The following GBP2 variants were observed in gnomAD, a reference collection of about 807,000 sequenced individuals.
The protein encoded by GBP2 is guanylate binding protein 2.
GBP2 carries 54 observed loss-of-function variants against 60.8 expected under a neutral mutation model. The ratio of observed to expected loss-of-function variants is 0.89; its 90% CI spans 0.71 to 1.11. The LOEUF (loss-of-function observed/expected upper bound fraction) is 1.11, where lower values mean the gene tolerates loss of function less well. Ranked by LOEUF, GBP2 falls within the 50% of genes most tolerant of loss-of-function variation. The pLI, the probability that GBP2 is intolerant of heterozygous loss-of-function variation, is 0.00. For missense variants in GBP2, 665 were observed against 703.3 expected (o/e 0.95, Z 0.62); for synonymous variants, 243 against 256.5 (o/e 0.95, Z 0.50).
In GBP2 at chr1:89,107,484, A is replaced by G. The variant is rs886621113; in HGVS notation, c.*691T>C. Among the ~76,000 whole-genome samples, 5 of 152,228 alleles carry G rather than the reference A, an allele frequency of 3.3e-5. No individual in the cohort carries two copies. Among genetic ancestry groups the G allele is most frequent in the Admixed American group, 2.6e-4 (4 of 15,290 alleles). On this transcript the variant is annotated 3_prime_UTR_variant, in exon 11 of 11. Coordinates refer to ENST00000370466, the MANE Select transcript of GBP2 (RefSeq NM_004120.5). ...GGGGCAGTAATTACCTAGAGGGTTT[A>G]CATGGACAGAGAAGGTGGAGCCTCT...
In GBP2 at chr1:89,117,736, A is replaced by G; in HGVS notation, c.466T>C (p.Ser156Pro). Residue 156 changes from serine (S) to proline (P), a missense_variant, in exon 5 of 11, where the codon TCC (serine) becomes CCC (proline). Ser to Pro is a moderately conservative substitution (Grantham distance 74). Transcript: ENST00000370466. ...TCTACAGAATTGTTACCAGGTGAGG[A>G]GTTTGCCTTGATTCGATCTGTCAGC... is the stretch of plus-strand genomic sequence containing the variant. ...TELTDRIKAN[S>P]SPGNNSVDDS... 1 of 1,613,830 alleles carries G rather than the reference A, an allele frequency of 6.2e-7. No homozygotes were observed. The highest frequency in any genetic ancestry group is 8.5e-7 in the Non-Finnish European group (1 of 1,179,904).
intron 6 of GBP2, among the ~76,000 whole-genome samples, chr1:89,114,756 T>G (rs1324840606): frequency 6.6e-6 from 1 of 152,194 alleles, no homozygotes; most frequent in Non-Finnish European, 1.5e-5. Context: ...GATAATCAAC[T>G]CATCGAGTTT....
chr1:89,121,448 T>C (rs556037469), intron 2 of GBP2, among the ~76,000 whole-genome samples, 178 bp from the exon 3 acceptor site: 1 of 152,354 alleles, frequency 6.6e-6, no homozygotes, highest in South Asian at 2.1e-4. Flanking sequence ...GAAACATTCA[T>C]ATTTTTCTTA....
At chr1:89,119,087 G>A (rs1681342118) in intron 4 of GBP2, 1 of 152,080 alleles carries the variant, frequency 6.6e-6, no homozygotes, top group South Asian at 2.1e-4. Context: ...AAAGAAAAGA[G>A]GCACAAGAAC....
Position 89,112,470 on chromosome 1 carries a change from A to T in GBP2, c.1362+2T>A. Reference sequence around the variant, plus strand: ...AGAAATGGTACCCACCGTGTAGTTTACCTGTATCCCCTTCCTTGGCACCTG... The same window carrying T: ...AGAAATGGTACCCACCGTGTAGTTTTCCTGTATCCCCTTCCTTGGCACCTG... On this transcript the variant is annotated splice_donor_variant, in intron 8 of 10. Coordinates refer to ENST00000370466, the MANE Select transcript of GBP2 (RefSeq NM_004120.5). LOFTEE classifies it high-confidence loss of function. The T allele has an allele frequency of 6.2e-7, 1 of 1,613,136 alleles. No individual in the cohort carries two copies. Among genetic ancestry groups the T allele is most frequent in the Non-Finnish European group, 8.5e-7 (1 of 1,179,186 alleles).
chr1:89,117,602 C>T lies in GBP2; in HGVS notation c.600G>A (p.Leu200=). ...DGEPITADDY[L]ELSLKLRKGT... ...CTTTTCTTAGCTTTAGCGAAAGCTC[C>T]AAGTAGTCATCAGCAGTGATGGGTT... is the stretch of plus-strand genomic sequence containing the variant. The change falls in exon 5 of 11, where the codon TTG becomes TTA. Residue 200 remains leucine (L), a synonymous_variant. Transcript: ENST00000370466. 15 of 1,613,956 alleles carry T rather than the reference C, an allele frequency of 9.3e-6. No homozygotes were observed. The highest frequency in any genetic ancestry group is 1.3e-5 in the Non-Finnish European group (15 of 1,179,932).
At position 89,109,282 on chromosome 1, in the gene GBP2, C is replaced by T. The variant is rs535856826; in HGVS notation, c.1659+395G>A. Among the ~76,000 whole-genome samples, 32 of 152,296 alleles carry T rather than the reference C, an allele frequency of 2.1e-4. 1 individual carries two copies. Among genetic ancestry groups the T allele is most frequent in the African/African-American group, 7.7e-4 (32 of 41,554 alleles). The stretch of plus-strand genomic sequence containing the variant: ...AGAAACAAAATCCCCATGGATCCCT[C>T]TCAGTAGGAAAGACTGGCTAGATAT... On this transcript the variant is annotated intron_variant, in intron 10 of 10. Transcript: ENST00000370466.
At chr1:89,119,826 C>T (rs182654619) in intron 4 of GBP2, 138 of 219,082 alleles carry the variant, frequency 6.3e-4, no homozygotes, top group African/African-American at 3.0e-3. Context: ...TAGTGTATAG[C>T]TAGGTATCAT....
chr1:89,124,977 T>C (rs1339360171), intron 1 of GBP2, among the ~76,000 whole-genome samples: 1 of 152,218 alleles, frequency 6.6e-6, no homozygotes, highest in Non-Finnish European at 1.5e-5. Context: ...TTCTGCTTCA[T>C]GGAGAGCAGT....
At position 89,108,093 on chromosome 1, in the gene GBP2, T is replaced by C. The variant is rs1330511809; in HGVS notation, c.*82A>G. On this transcript the variant is annotated 3_prime_UTR_variant, in exon 11 of 11. Coordinates refer to ENST00000370466, the MANE Select transcript of GBP2 (RefSeq NM_004120.5). ...GATTTTGAGTTAAGTTTAATGGCAG[T>C]TGTTTGACACTCTGAAGTTGCTCAT... 1.4e-6 allele frequency: 1 copy of C among 727,248 alleles called. No homozygotes were observed. The highest frequency in any genetic ancestry group is 1.8e-5 in the African/African-American group (1 of 56,020). 45.0% of individuals were successfully genotyped at this position (727,248 alleles called of 1,614,324 possible). A position where few individuals can be genotyped will look rare whatever the true frequency, so the allele number is the denominator to read the frequency against.
At position 89,121,885 on chromosome 1, in the gene GBP2, G is replaced by C. The variant is rs1681407044; in HGVS notation, c.82C>G (p.Leu28Val). 1 of 1,613,954 alleles carries C rather than the reference G, an allele frequency of 6.2e-7. No homozygotes were observed. Among genetic ancestry groups the C allele is most frequent in the African/African-American group, 1.3e-5 (1 of 74,884 alleles). ...KGQLVVNPEALKILSAITQPV... is the reference protein window; with the variant it reads ...KGQLVVNPEAVKILSAITQPV... The stretch of plus-strand genomic sequence containing the variant: ...TGCGTAATTGCAGATAGGATCTTCA[G>C]AGCTTCTGGATTCACCACCAGCTGC... Residue 28 changes from leucine (L) to valine (V), a missense_variant, in exon 2 of 11, where the codon CTG becomes GTG. By Grantham distance (32) the Leu-to-Val change is conservative. Coordinates refer to ENST00000370466, the MANE Select transcript of GBP2 (RefSeq NM_004120.5).
In GBP2 at chr1:89,110,238, T is replaced by A; in HGVS notation, c.1391A>T (p.Glu464Val). The A allele has an allele frequency of 6.2e-7, 1 of 1,613,706 alleles. No homozygotes were observed. The highest frequency in any genetic ancestry group is 1.7e-5 in the Admixed American group (1 of 59,956). ...TGCATCAGCCACATCCTCCTTGGAC[T>A]CCAAATATTTTTTCAGCACCTCTTT... ...QAKEVLKKYL[E>V]SKEDVADALL... The change falls in exon 9 of 11, where the codon GAG becomes GTG. Residue 464 changes from glutamate (E) to valine (V), a missense_variant. Coordinates refer to ENST00000370466, the MANE Select transcript of GBP2 (RefSeq NM_004120.5).
intron 8 of GBP2, 86 bp from the exon 9 acceptor site, chr1:89,110,352 A>G (rs1371261024): frequency 2.1e-6 from 2 of 936,408 alleles, no homozygotes; most frequent in Non-Finnish European, 3.4e-6. Flanking sequence ...TACCCAGAGG[A>G]AAATAAGTCA....
rs1251963434 is a variant in GBP2 at position 89,107,346 on chromosome 1, T to C, written c.*829A>G. On this transcript the variant is annotated 3_prime_UTR_variant, in exon 11 of 11. Coordinates refer to ENST00000370466, the MANE Select transcript of GBP2 (RefSeq NM_004120.5). Reference sequence around the variant, plus strand: ...GTCCTCAGAAGAATGGAAAGTAATTTGAGTTTGAGTTAAAGCTTTCCTTTC... The same window carrying C: ...GTCCTCAGAAGAATGGAAAGTAATTCGAGTTTGAGTTAAAGCTTTCCTTTC... Among the ~76,000 whole-genome samples, 1 of 152,166 alleles carries C rather than the reference T, an allele frequency of 6.6e-6. No homozygotes were observed. The highest frequency in any genetic ancestry group is 2.4e-5 in the African/African-American group (1 of 41,430).
At chr1:89,112,886 T>A in intron 7 of GBP2, 1 of 575,100 alleles carries the variant, frequency 1.7e-6, no homozygotes. Context: ...TGTGATTTCC[T>A]AAAGCTCCTT....
intron 4 of GBP2, 38 bp from the exon 5 acceptor site, chr1:89,117,811 C>A: frequency 6.7e-7 from 1 of 1,484,898 alleles, no homozygotes; most frequent in Non-Finnish European, 9.2e-7. Flanking sequence ...GAAAATGCCA[C>A]TCTTTATACT....
In GBP2 at chr1:89,117,142, C is replaced by T. The variant is rs143042903; in HGVS notation, c.718G>A (p.Ala240Thr). Residue 240 changes from alanine (A) to threonine (T), a missense_variant, in exon 6 of 11, where the codon GCT (alanine) becomes ACT (threonine). Coordinates refer to ENST00000370466, the MANE Select transcript of GBP2 (RefSeq NM_004120.5). ...AGGTGAGCAAGGTACTTCTTAGGAG[C>T]GGGCCAATCGAAGACGAAGCACTTC... is the stretch of plus-strand genomic sequence containing the variant. The part of the protein sequence containing the change: ...KRKCFVFDWP[A>T]PKKYLAHLEQ... 84 of 1,614,012 alleles carry T rather than the reference C, an allele frequency of 5.2e-5. No individual in the cohort carries two copies. The highest frequency in any genetic ancestry group is 1.6e-4 in the Middle Eastern group (1 of 6,084).
In GBP2 at chr1:89,117,012, C is replaced by A. The variant is rs370885169; in HGVS notation, c.848G>T (p.Gly283Val). 6.2e-7 allele frequency: 1 copy of A among 1,613,862 alleles called. No individual in the cohort carries two copies. ...SHSNVKTLSG[G>V]IPVNGPRLES... ...CTCACGAGGCCCATTGACTGGAATGCCACCTGAAAGAGTCTTGACATTGGA... is the reference window on the plus strand; with the variant it reads ...CTCACGAGGCCCATTGACTGGAATGACACCTGAAAGAGTCTTGACATTGGA... The change falls in exon 6 of 11, where the codon GGC becomes GTC. Residue 283 changes from glycine (G) to valine (V), a missense_variant. Gly to Val is a moderately radical substitution (Grantham distance 109). Coordinates refer to ENST00000370466, the MANE Select transcript of GBP2 (RefSeq NM_004120.5).
chr1:89,112,755 G>GA (rs1681191605), intron 7 of GBP2, 71 bp from the exon 8 acceptor site: 2 of 1,238,730 alleles, frequency 1.6e-6, no homozygotes, highest in South Asian at 2.5e-5. Context: ...GTGGAGACTG[G>GA]AAAATGCTTC....
Sources: allele counts gnomAD v4.1 joint callset (sites outside exome capture counted in the v4.1 genomes callset), GRCh38; gene constraint gnomAD v4.1.1; transcripts MANE v1.5; gene names NCBI Gene and HGNC (gene_info 2026-07-23, HGNC 2026-07-21).